Variants in DPP10 observed in about 807,000 individuals in gnomAD.
The protein encoded by DPP10 is inactive dipeptidyl peptidase 10.
In DPP10, 33 loss-of-function variants were observed where a neutral mutation model predicts 120.9. The observed-to-expected ratio is 0.27, with a 90% CI of 0.21 to 0.37. The LOEUF (loss-of-function observed/expected upper bound fraction) is 0.37. Ranked by LOEUF, DPP10 falls within the 10% of genes least tolerant of loss-of-function variation. The pLI is 1.00. For missense variants in DPP10, 816 were observed against 942.8 expected (o/e 0.87, Z 1.76); for synonymous variants, 337 against 326.1 (o/e 1.03, Z -0.36).
At position 115,110,637 on chromosome 2, in the gene DPP10, A is replaced by G. The variant is rs570104832; in HGVS notation, c.61-198602A>G. On this transcript the variant is annotated intron_variant, in intron 1 of 25. Coordinates refer to ENST00000410059, the MANE Select transcript of DPP10 (RefSeq NM_020868.6). Reference sequence around the variant, plus strand: ...ATCTATAGCATTAAAATATATATAGATGAGTCTCAGATTAAGACTATAAAA... The same window carrying G: ...ATCTATAGCATTAAAATATATATAGGTGAGTCTCAGATTAAGACTATAAAA... Among the ~76,000 whole-genome samples the G allele has an allele frequency of 1.5e-4, 23 of 152,220 alleles. 1 individual carries two copies. The South Asian group carries it at 4.6e-3, about 30-fold the overall frequency.
At chr2:115,579,289 T>C (rs952725641) in intron 5 of DPP10, 1 of 152,198 alleles carries the variant, frequency 6.6e-6, no homozygotes, top group Non-Finnish European at 1.5e-5. Context: ...CACACAGATG[T>C]GACAACTGCC....
chr2:114,473,962 G>A (rs1400508426), intron 1 of DPP10, among the ~76,000 whole-genome samples: 2 of 152,028 alleles, frequency 1.3e-5, no homozygotes, highest in South Asian at 2.1e-4. Context: ...GTTATTTTTC[G>A]TTGTTGTTTT....
intron 3 of DPP10, among the ~76,000 whole-genome samples, chr2:115,345,348 A>G (rs1286849954): frequency 2.0e-5 from 3 of 152,200 alleles, no homozygotes; most frequent in Admixed American, 6.5e-5. Context: ...ATGACTAAAG[A>G]AGGCTAATAA....
chr2:114,859,420 G>T (rs1412564776), intron 1 of DPP10, among the ~76,000 whole-genome samples: 1 of 151,656 alleles, frequency 6.6e-6, no homozygotes, highest in Non-Finnish European at 1.5e-5. Context: ...TAATCACTAG[G>T]TTATTAAGTG....
intron 19 of DPP10, among the ~76,000 whole-genome samples, chr2:115,805,867 G>T (rs532510086): frequency 6.6e-6 from 1 of 152,044 alleles, no homozygotes; most frequent in Non-Finnish European, 1.5e-5. Context: ...GAGCCGCCGC[G>T]CCCGGCACTT....
chr2:115,772,671 C>T (rs560403431), intron 13 of DPP10, among the ~76,000 whole-genome samples: 1 of 152,102 alleles, frequency 6.6e-6, no homozygotes, highest in Non-Finnish European at 1.5e-5. Flanking sequence ...TTCAGATATT[C>T]GCCCCTTTGC....
chr2:115,551,322 CT>C (rs1385033036), intron 5 of DPP10, among the ~76,000 whole-genome samples: 1 of 152,034 alleles, frequency 6.6e-6, no homozygotes, highest in African/African-American at 2.4e-5. Context: ...ACAAATTGCT[CT>C]TGTGGGCTTG....
chr2:115,712,540 T>TTTTATA lies in DPP10; in HGVS notation c.577-15275_577-15274insTTATAT, dbSNP rs778592374. 2.1e-3 allele frequency among the ~76,000 whole-genome samples: 38 copies of TTTTATA among 18,066 alleles called. 6 individuals carry two copies. Among genetic ancestry groups the TTTTATA allele is most frequent in the East Asian group, 7.1e-3 (2 of 280 alleles). The allele number at this position is 18,066 out of a possible 152,430, so 11.9% of individuals were successfully genotyped here. A position where few individuals can be genotyped will look rare whatever the true frequency, so the allele number is the denominator to read the frequency against. ...AGAAATAGCTTTGAAGAGTCCTGAA[T>TTTTATA]TAAATATATATATATATATATATAT... On this transcript the variant is annotated intron_variant, in intron 7 of 25. Coordinates refer to ENST00000410059, the MANE Select transcript of DPP10 (RefSeq NM_020868.6).
At chr2:115,538,293 CT>C (rs1390393428) in intron 5 of DPP10, among the ~76,000 whole-genome samples, 2 of 151,968 alleles carry the variant, frequency 1.3e-5, no homozygotes, top group Non-Finnish European at 2.9e-5. Context: ...TTGAAGCTGG[CT>C]GAATAGCCAT....
At chr2:115,449,149 C>CA (rs1273992912) in intron 3 of DPP10, among the ~76,000 whole-genome samples, 13 of 152,018 alleles carry the variant, frequency 8.6e-5, no homozygotes, top group South Asian at 4.1e-4. Flanking sequence ...TTGATTTACG[C>CA]AAAAAAATTG....
At chr2:114,633,372 C>T (rs748979650) in intron 1 of DPP10, among the ~76,000 whole-genome samples, 1 of 148,772 alleles carries the variant, frequency 6.7e-6, no homozygotes, top group East Asian at 2.0e-4. Flanking sequence ...CTGCCTTAGC[C>T]TCTCAAGTAG....
At chr2:114,966,781 C>G (rs555590992) in intron 1 of DPP10, among the ~76,000 whole-genome samples, 1 of 152,322 alleles carries the variant, frequency 6.6e-6, no homozygotes, top group South Asian at 2.1e-4. Flanking sequence ...GTGGCTCATG[C>G]CTGTAATCCC....
chr2:114,965,745 G>A (rs974354153), intron 1 of DPP10, among the ~76,000 whole-genome samples: 12 of 151,810 alleles, frequency 7.9e-5, no homozygotes, highest in South Asian at 4.2e-4. Flanking sequence ...TTGGGAGGCC[G>A]AGGTGGGCGG....
chr2:115,703,803 C>G (rs1316089487), intron 7 of DPP10, among the ~76,000 whole-genome samples: 1 of 151,952 alleles, frequency 6.6e-6, no homozygotes, highest in Admixed American at 6.6e-5. Context: ...AGAAATTAAC[C>G]ATCACAGTAG....
chr2:115,438,395 G>T (rs929339370), intron 3 of DPP10, among the ~76,000 whole-genome samples: 2 of 152,076 alleles, frequency 1.3e-5, no homozygotes, highest in Non-Finnish European at 2.9e-5. Context: ...ATACTCAAAA[G>T]AATGGAAAAC....
chr2:114,993,588 A>G (rs891746679), intron 1 of DPP10, among the ~76,000 whole-genome samples: 22 of 136,502 alleles, frequency 1.6e-4, no homozygotes, highest in African/African-American at 5.9e-4. Context: ...GTGTATATAT[A>G]TATATATATA....
chr2:115,458,174 G>C (rs2073732295), intron 3 of DPP10, among the ~76,000 whole-genome samples: 1 of 152,052 alleles, frequency 6.6e-6, no homozygotes, highest in Non-Finnish European at 1.5e-5. Flanking sequence ...TTTAAGATAT[G>C]AACATTACAC....
At chr2:115,239,160 A>G (rs1275651165) in intron 1 of DPP10, among the ~76,000 whole-genome samples, 5 of 152,238 alleles carry the variant, frequency 3.3e-5, no homozygotes, top group African/African-American at 1.2e-4. Context: ...TCCTTTGACA[A>G]CACCCTCACA....
chr2:114,720,976 C>A (rs1701668185), intron 1 of DPP10, among the ~76,000 whole-genome samples: 2 of 152,174 alleles, frequency 1.3e-5, no homozygotes, highest in African/African-American at 4.8e-5. Context: ...CCCTAGAAAA[C>A]TACCCAAATT....
Sources: gnomAD v4.1 joint callset for allele counts (sites outside exome capture counted in the v4.1 genomes callset) on GRCh38, gnomAD v4.1.1 for gene constraint, MANE v1.5 for transcripts, NCBI Gene and HGNC (gene_info 2026-07-23, HGNC 2026-07-21) for gene names.